NDUFA10: variants seen among roughly 807,000 people sequenced by gnomAD.
The protein encoded by NDUFA10 is NADH:ubiquinone oxidoreductase subunit A10.
In NDUFA10, 40 loss-of-function variants were observed where a neutral mutation model predicts 47.8. That is an observed-to-expected ratio of 0.84 (90% CI 0.65 to 1.09). The LOEUF is 1.09. Among genes scored for constraint, NDUFA10 ranks in the 50% least tolerant of loss-of-function variants. The probability of loss-of-function intolerance (pLI) is 0.00; values close to 1 mark genes in which losing one functional copy is unlikely to be tolerated. For synonymous variants in NDUFA10, 183 were observed against 172.2 expected (o/e 1.06, Z -0.49); for missense variants, 413 against 451.1 (o/e 0.92, Z 0.76).
chr2:240,016,208 C>T lies in NDUFA10; in HGVS notation c.548-1348G>A, dbSNP rs552669863. ...GGAGGAGGTGTGACAAAGCAAAGGA[C>T]GGAGGCTGCCAGTGGAGTACCGTTC... On this transcript the variant is annotated intron_variant, in intron 4 of 9. Coordinates refer to ENST00000252711, the MANE Select transcript of NDUFA10 (RefSeq NM_004544.4). This position sits in a 1 kb window ranked among gnomAD's most constrained non-coding sequence, Gnocchi z 4.4. Among the ~76,000 whole-genome samples the T allele has an allele frequency of 9.8e-5, 15 of 152,302 alleles. No homozygotes were observed. Among genetic ancestry groups the T allele is most frequent in the South Asian group, 6.2e-4 (3 of 4,824 alleles).
At chr2:239,900,001 G>T (rs1487230913) in intron 4 of NDUFA10, among the ~76,000 whole-genome samples, 1 of 151,868 alleles carries the variant, frequency 6.6e-6, no homozygotes, top group Non-Finnish European at 1.5e-5. Flanking sequence ...TCCCAGAGAG[G>T]CTAGAATAAA....
intron 4 of NDUFA10, among the ~76,000 whole-genome samples, chr2:239,939,812 T>G (rs1270331855): frequency 6.6e-6 from 1 of 152,118 alleles, no homozygotes. Context: ...CTGGGGACGG[T>G]CAGAACGCTG....
intron 4 of NDUFA10, among the ~76,000 whole-genome samples, chr2:239,947,468 G>A (rs898190054): frequency 1.3e-5 from 2 of 152,190 alleles, no homozygotes; most frequent in African/African-American, 2.4e-5. Flanking sequence ...GACAAAGACC[G>A]GGAGGCAGCT....
In NDUFA10 at chr2:240,021,422, GAA is replaced by G; in HGVS notation, c.245-12_245-11del. On this transcript the variant is annotated splice_polypyrimidine_tract_variant and intron_variant, in intron 2 of 9. Transcript: ENST00000252711. ...GGAAAGTGCTTGAAGCCTGAAAAGA[GAA>G]ACAGTCGGATGCAGTCTGATGCACA... The G allele has an allele frequency of 6.2e-7, 1 of 1,612,020 alleles. No individual in the cohort carries two copies. Among genetic ancestry groups the G allele is most frequent in the Non-Finnish European group, 8.5e-7 (1 of 1,178,530 alleles).
At chr2:239,911,410 T>C (rs1390932732) in intron 4 of NDUFA10, among the ~76,000 whole-genome samples, 1 of 152,154 alleles carries the variant, frequency 6.6e-6, no homozygotes, top group Non-Finnish European at 1.5e-5. Context: ...CCTGGGGGAC[T>C]GGGGCATGCA....
intron 4 of NDUFA10, among the ~76,000 whole-genome samples, chr2:239,920,406 C>G (rs1309237867): frequency 6.6e-6 from 1 of 152,186 alleles, no homozygotes; most frequent in Non-Finnish European, 1.5e-5. Context: ...TCAGCCCCGT[C>G]CTGGGGCAGA....
intron 8 of NDUFA10, among the ~76,000 whole-genome samples, chr2:240,002,186 C>T (rs191287148): frequency 3.3e-4 from 50 of 151,988 alleles, no homozygotes; most frequent in African/African-American, 1.2e-3. Flanking sequence ...AAAAAATTAG[C>T]CGGGTATAGT....
intron 4 of NDUFA10, among the ~76,000 whole-genome samples, chr2:239,907,480 GT>G (rs951012007): frequency 3.3e-5 from 5 of 152,122 alleles, no homozygotes; most frequent in Non-Finnish European, 7.4e-5. Flanking sequence ...ATGGGAGAAA[GT>G]TTTTATGATC....
chr2:239,946,608 C>T (rs1694457760), intron 4 of NDUFA10, among the ~76,000 whole-genome samples: 1 of 152,254 alleles, frequency 6.6e-6, no homozygotes. Context: ...TCCAGCTCAT[C>T]TCGATGAATC....
At chr2:239,916,573 A>C (rs1421402644) in intron 4 of NDUFA10, among the ~76,000 whole-genome samples, 1 of 152,254 alleles carries the variant, frequency 6.6e-6, no homozygotes, top group Non-Finnish European at 1.5e-5. Context: ...CTGCATATGC[A>C]GCTAACAAAA....
downstream of NDUFA10, among the ~76,000 whole-genome samples, chr2:239,953,856 A>C (rs1429666417): frequency 1.3e-5 from 2 of 152,148 alleles, no homozygotes; most frequent in African/African-American, 4.8e-5. Context: ...TTCCAAACCC[A>C]CACACTGGCG....
At chr2:239,910,533 C>T (rs899555740) in intron 4 of NDUFA10, among the ~76,000 whole-genome samples, 10 of 151,910 alleles carry the variant, frequency 6.6e-5, no homozygotes, top group Admixed American at 2.0e-4. Context: ...ACGGACACAT[C>T]GGGGGAACAA....
intron 5 of NDUFA10, among the ~76,000 whole-genome samples, chr2:239,893,199 C>T (rs896973889): frequency 6.6e-6 from 1 of 152,204 alleles, no homozygotes; most frequent in African/African-American, 2.4e-5. Flanking sequence ...GCGGCTCAAT[C>T]AGGCCAGCTG....
intron 5 of NDUFA10, chr2:240,014,216 T>A (rs139713669): frequency 1.1e-3 from 181 of 171,582 alleles, no homozygotes; most frequent in African/African-American, 4.1e-3. Context: ...CGAGGCCACC[T>A]AATTAAGATC....
At chr2:239,956,278 G>A (rs139858597), downstream of NDUFA10, among the ~76,000 whole-genome samples, 125 of 152,292 alleles carry the variant, frequency 8.2e-4, 2 homozygotes, top group South Asian at 0.014. Context: ...AAAGTCTGAC[G>A]CACGGTGATA....
rs1282282895 is a variant in NDUFA10 at position 240,018,539 on chromosome 2, C to A, written c.547+14G>T. 6.2e-7 allele frequency: 1 copy of A among 1,614,230 alleles called. No individual in the cohort carries two copies. Among genetic ancestry groups the A allele is most frequent in the Non-Finnish European group, 8.5e-7 (1 of 1,180,040 alleles). ...CACCACACACCCAGAAGTGGGTCTG[C>A]AATGCTGACTCACACTGCTTTCGGA... is the stretch of plus-strand genomic sequence containing the variant. On this transcript the variant is annotated intron_variant, in intron 4 of 9. Coordinates refer to ENST00000252711, the MANE Select transcript of NDUFA10 (RefSeq NM_004544.4).
chr2:239,956,890 C>T (rs1694667380), downstream of NDUFA10, among the ~76,000 whole-genome samples: 2 of 152,210 alleles, frequency 1.3e-5, no homozygotes, highest in African/African-American at 4.8e-5. Flanking sequence ...TCCAGCTCTG[C>T]GGACACAGAG....
At chr2:239,992,295 C>T (rs1401534900) in intron 8 of NDUFA10, among the ~76,000 whole-genome samples, 1 of 152,132 alleles carries the variant, frequency 6.6e-6, no homozygotes, top group Non-Finnish European at 1.5e-5. Context: ...TATACTAGAG[C>T]TTGGTTACAA....
At chr2:240,007,269 T>C in intron 7 of NDUFA10, 47 bp downstream of exon 7, 1 of 1,386,416 alleles carries the variant, frequency 7.2e-7, no homozygotes, top group Non-Finnish European at 1.0e-6. Context: ...ACCTTACACA[T>C]GAATCAAATG....
Sources: allele counts gnomAD v4.1 joint callset (sites outside exome capture counted in the v4.1 genomes callset), GRCh38; gene constraint gnomAD v4.1.1; non-coding constraint Gnocchi (gnomAD v3.1); transcripts MANE v1.5; gene names NCBI Gene and HGNC (gene_info 2026-07-23, HGNC 2026-07-21).